The following MUC22 variants were observed in gnomAD, a reference collection of about 807,000 sequenced individuals.
MUC22 encodes the protein mucin-22.
Under a neutral mutation model 40.3 loss-of-function variants are expected in MUC22, and 24 were observed. The ratio of observed to expected loss-of-function variants is 0.60; its 90% CI spans 0.43 to 0.84. The LOEUF (loss-of-function observed/expected upper bound fraction) is 0.84. Ranked by LOEUF, MUC22 falls within the 40% of genes least tolerant of loss-of-function variation. MUC22 has a pLI of 0.00. For synonymous variants in MUC22, 765 were observed against 844.5 expected, an observed-to-expected ratio of 0.91 and a Z score of 1.63; for missense variants, 1,926 against 2,130.7, an observed-to-expected ratio of 0.90 and a Z score of 1.89.
chr6:31,027,439 A>G, exon 2 of MUC22: 1 of 1,531,906 alleles, frequency 6.5e-7, no homozygotes, highest in Non-Finnish European at 8.7e-7. Context: ...CACCACCTGT[A>G]CTGAAGGCTC....
At chr6:31,020,331 T>A (rs1035677400) in intron 1 of MUC22, among the ~76,000 whole-genome samples, 9 of 151,270 alleles carry the variant, frequency 5.9e-5, no homozygotes, top group Non-Finnish European at 8.8e-5. Context: ...AAGAAAAAAA[T>A]ACTTTATCAA....
intron 1 of MUC22, among the ~76,000 whole-genome samples, chr6:31,023,084 C>T (rs1044949593): frequency 1.3e-5 from 2 of 151,632 alleles, no homozygotes; most frequent in African/African-American, 4.9e-5. Context: ...GAGCTGAGAT[C>T]CCATCACTGC....
upstream of MUC22, chr6:31,010,396 C>T (rs17189945): frequency 1.1e-3 from 375 of 336,514 alleles, 1 homozygote; most frequent in Middle Eastern, 8.0e-3. Flanking sequence ...AAATGCCCCT[C>T]CCTGGGGAGG....
At chr6:31,020,750 TGC>T (rs983185478) in intron 1 of MUC22, among the ~76,000 whole-genome samples, 4 of 152,146 alleles carry the variant, frequency 2.6e-5, no homozygotes, top group African/African-American at 9.7e-5. Context: ...ACCGGGACTG[TGC>T]GCGGCGCTTG....
exon 2 of MUC22, chr6:31,027,817 A>T: frequency 6.5e-7 from 1 of 1,534,956 alleles, no homozygotes; most frequent in Non-Finnish European, 8.7e-7. Context: ...CTCTGAGACC[A>T]CTACAGTTTC....
chr6:31,015,544 T>G (rs1764134381), intron 1 of MUC22, among the ~76,000 whole-genome samples: 1 of 151,838 alleles, frequency 6.6e-6, no homozygotes, highest in Non-Finnish European at 1.5e-5. Context: ...CCATAGACCT[T>G]ATACATCTGA....
chr6:31,020,757 C>A (rs555452400), intron 1 of MUC22, among the ~76,000 whole-genome samples: 80 of 152,248 alleles, frequency 5.3e-4, no homozygotes, highest in South Asian at 4.1e-4. Flanking sequence ...CTGTGCGCGG[C>A]GCTTGCGGGC....
chr6:31,029,652 A>T, exon 2 of MUC22: 2 of 1,535,182 alleles, frequency 1.3e-6, no homozygotes, highest in Non-Finnish European at 1.7e-6. Context: ...AGACCACCAC[A>T]GTCTCTACCA....
exon 2 of MUC22, chr6:31,025,529 A>G: frequency 9.9e-6 from 15 of 1,510,472 alleles, no homozygotes; most frequent in Non-Finnish European, 1.3e-5. Flanking sequence ...GCCTTCACAA[A>G]AGGCTCCGAC....
At chr6:31,006,630 G>T (rs1763539431), upstream of MUC22, among the ~76,000 whole-genome samples, 2 of 152,096 alleles carry the variant, frequency 1.3e-5, no homozygotes, top group South Asian at 2.1e-4. Context: ...ACTTAATTTT[G>T]CTGTGAACCC....
exon 2 of MUC22, chr6:31,027,735 C>G: frequency 6.5e-7 from 1 of 1,530,312 alleles, no homozygotes; most frequent in South Asian, 1.2e-5. Flanking sequence ...CCACTGCAGT[C>G]TCTGCCACAG....
At chr6:31,031,188 G>T (rs1020784681) in intron 2 of MUC22, among the ~76,000 whole-genome samples, 1 of 152,122 alleles carries the variant, frequency 6.6e-6, no homozygotes, top group Admixed American at 6.6e-5. Context: ...TACCTAAGCC[G>T]CCACCACCGC....
chr6:31,027,523 G>C lies in MUC22; in HGVS notation c.2092G>C (p.Ala698Pro), dbSNP rs951099929. The change falls in exon 2 of 4, where the codon GCC becomes CCC. Residue 698 changes from alanine to proline, a missense_variant. Transcript: ENST00000561890. ...TACTGAAGGCTCTGAGATCACAATA[G>C]CCTCTACTTCAGACTCTGAGACCAC... The C allele has an allele frequency of 3.9e-6, 6 of 1,530,282 alleles. No individual in the cohort carries two copies. The African/African-American group carries it at 6.9e-5, about 18-fold the overall frequency. The allele number at this position is 1,530,282 out of a possible 1,614,324, so 94.8% of individuals were successfully genotyped here. A position where few individuals can be genotyped will look rare whatever the true frequency, so the allele number is the denominator to read the frequency against.
At chr6:31,009,544 A>C (rs907191114), upstream of MUC22, among the ~76,000 whole-genome samples, 2 of 152,164 alleles carry the variant, frequency 1.3e-5, no homozygotes, top group African/African-American at 4.8e-5. Context: ...CTTGACTTTC[A>C]TATAATTAGA....
At position 31,028,411 on chromosome 6, in the gene MUC22, AC is replaced by A. The variant is rs1765644343; in HGVS notation, c.2982del (p.Thr995ProfsTer46). On this transcript the variant is annotated frameshift_variant, in exon 2 of 4. Coordinates refer to ENST00000561890, the Ensembl canonical transcript of MUC22. LOFTEE classifies it high-confidence loss of function. ...CACAGCCTCTACTGAAGGCTCCGAG[AC>A]CACCACAGCCTCTACTGAAGGCTCC... The A allele has an allele frequency of 6.5e-7, 1 of 1,530,732 alleles. No individual in the cohort carries two copies. The highest frequency in any genetic ancestry group is 1.4e-5 in the African/African-American group (1 of 72,354). The allele number at this position is 1,530,732 out of a possible 1,614,324, so 94.8% of individuals were successfully genotyped here.
chr6:31,011,384 T>C lies in MUC22; in HGVS notation c.70+608T>C, dbSNP rs1218047014. Among the ~76,000 whole-genome samples, 1 of 152,146 alleles carries C rather than the reference T, an allele frequency of 6.6e-6. No individual in the cohort carries two copies. Among genetic ancestry groups the C allele is most frequent in the African/African-American group, 2.4e-5 (1 of 41,432 alleles). ...TCCCTAGTGCCCAAAGTCCACTGTA[T>C]CATTCTCATGCGTTTGAGTCCTCAC... On this transcript the variant is annotated intron_variant, in intron 1 of 3. Transcript: ENST00000561890. The surrounding 1 kb of genome is among the most constrained non-coding windows in gnomAD (Gnocchi z 4.5).
chr6:31,009,986 G>A (rs575966542), upstream of MUC22, among the ~76,000 whole-genome samples: 2 of 152,264 alleles, frequency 1.3e-5, no homozygotes, highest in African/African-American at 2.4e-5. Context: ...TATCACTCAC[G>A]TAGCCATGTG....
chr6:31,016,933 A>G (rs1363933276), intron 1 of MUC22, among the ~76,000 whole-genome samples: 1 of 152,196 alleles, frequency 6.6e-6, no homozygotes, highest in African/African-American at 2.4e-5. Flanking sequence ...GCAGTGAGGA[A>G]CTTAGCACCC....
intron 1 of MUC22, among the ~76,000 whole-genome samples, chr6:31,021,881 C>G (rs114175075): frequency 1.3e-5 from 2 of 150,620 alleles, no homozygotes; most frequent in African/African-American, 2.4e-5. Flanking sequence ...TGTTCTTTTG[C>G]TCTTTGCAAT....
Sources: gnomAD v4.1 joint callset for allele counts (sites outside exome capture counted in the v4.1 genomes callset) on GRCh38, gnomAD v4.1.1 for gene constraint, Gnocchi (gnomAD v3.1) non-coding constraint, MANE v1.5 for transcripts, NCBI Gene and HGNC (gene_info 2026-07-23, HGNC 2026-07-21) for gene names.